The following GRIN2B variants were observed in gnomAD, a reference collection of about 807,000 sequenced individuals.
GRIN2B encodes glutamate ionotropic receptor NMDA type subunit 2B, also known as glutamate receptor ionotropic, NMDA 2B.
Under a neutral mutation model 114.5 loss-of-function variants are expected in GRIN2B, and 5 were observed. That is an observed-to-expected ratio of 0.04 (90% CI 0.02 to 0.09). The LOEUF (loss-of-function observed/expected upper bound fraction) is 0.09. Among genes scored for constraint, GRIN2B ranks in the 10% least tolerant of loss-of-function variants. The pLI, the probability that GRIN2B is intolerant of heterozygous loss-of-function variation, is 1.00. For synonymous variants in GRIN2B, 787 were observed against 745.1 expected (o/e 1.06, Z -0.92); for missense variants, 1,108 against 1,943.5 (o/e 0.57, Z 8.08).
intron 2 of GRIN2B, among the ~76,000 whole-genome samples, chr12:13,940,265 C>T (rs1166636975): frequency 1.3e-5 from 2 of 152,144 alleles, no homozygotes; most frequent in African/African-American, 2.4e-5. Context: ...TTTACAGTTA[C>T]TTAGATCCAT....
Position 13,562,901 on chromosome 12 carries a change from A to C in GRIN2B, c.4337T>G (p.Ile1446Ser). The change falls in exon 14 of 14, where the codon ATC (isoleucine) becomes AGC (serine). Residue 1446 changes from isoleucine to serine, a missense_variant. Around this residue, in one of 19 missense-constraint regions of GRIN2B, gnomAD observed 478 missense variants for 506.0 expected, o/e 0.94. Coordinates refer to ENST00000609686, the MANE Select transcript of GRIN2B (RefSeq NM_000834.5). ...GGGGTTGGACTGGTTCCCTATACAG[A>C]TGTCCTTCTGGAAACGGGCTGGCAC... ...GAVPARFQKD[I>S]CIGNQSNPCV... is the part of the protein sequence containing the mutation. 2 of 1,614,088 alleles carry C rather than the reference A, an allele frequency of 1.2e-6. No individual in the cohort carries two copies. The highest frequency in any genetic ancestry group is 1.7e-6 in the Non-Finnish European group (2 of 1,179,994).
At chr12:13,895,735 G>A (rs928603360) in intron 2 of GRIN2B, among the ~76,000 whole-genome samples, 2 of 152,134 alleles carry the variant, frequency 1.3e-5, no homozygotes, top group Admixed American at 6.6e-5. Flanking sequence ...AGTTTTTCAA[G>A]GTGACTTATT....
chr12:13,789,214 A>G (rs1026716883), intron 3 of GRIN2B, among the ~76,000 whole-genome samples: 4 of 152,236 alleles, frequency 2.6e-5, no homozygotes, highest in African/African-American at 9.6e-5. Flanking sequence ...TGTAGGATCC[A>G]TGCCAGAGTA....
intron 5 of GRIN2B, among the ~76,000 whole-genome samples, chr12:13,662,069 C>T (rs1949929599): frequency 6.6e-6 from 1 of 152,138 alleles, no homozygotes; most frequent in African/African-American, 2.4e-5. Flanking sequence ...TCACTTAGAA[C>T]AGTAGGCTAG....
chr12:13,955,795 A>G (rs1374835488), intron 2 of GRIN2B, among the ~76,000 whole-genome samples: 1 of 152,182 alleles, frequency 6.6e-6, no homozygotes, highest in African/African-American at 2.4e-5. Flanking sequence ...AGACACAAAG[A>G]GCCATCCCAT....
At position 13,545,322 on chromosome 12, in the gene GRIN2B, GA is replaced by G. The variant is rs1948329489; in HGVS notation, c.*17460del. 6.6e-6 allele frequency: 1 copy of G among 152,128 alleles called. No individual in the cohort carries two copies. Among genetic ancestry groups the G allele is most frequent in the African/African-American group, 2.4e-5 (1 of 41,398 alleles). The allele number at this position is 152,128 out of a possible 1,614,324, so 9.4% of individuals were successfully genotyped here. ...CATGACACTTTGCACTATCTGACAT[GA>G]GATCTATTGATTTGCTTTTTTGTCC... On this transcript the variant is annotated 3_prime_UTR_variant, in exon 14 of 14. Transcript: ENST00000609686.
Position 13,679,195 on chromosome 12 carries a change from A to G in GRIN2B, c.1011-3336T>C, listed in dbSNP as rs568719401. ...TTCTGCCTTTAGCTAAAACACCATT[A>G]AGAATATTTAAAGGAAAGTATCTAT... On this transcript the variant is annotated intron_variant, in intron 4 of 13. Transcript: ENST00000609686. Among the ~76,000 whole-genome samples the G allele has an allele frequency of 5.3e-5, 8 of 152,288 alleles. 1 individual carries two copies. The highest frequency in any genetic ancestry group is 7.4e-5 in the Non-Finnish European group (5 of 68,016).
chr12:13,575,916 A>G (rs1419925794), intron 10 of GRIN2B, among the ~76,000 whole-genome samples: 1 of 152,208 alleles, frequency 6.6e-6, no homozygotes, highest in Non-Finnish European at 1.5e-5. Context: ...CACATGATGG[A>G]GTCTTAAAAT....
intron 2 of GRIN2B, among the ~76,000 whole-genome samples, chr12:13,896,828 T>G (rs933440901): frequency 6.6e-6 from 1 of 152,232 alleles, no homozygotes; most frequent in Non-Finnish European, 1.5e-5. Context: ...GGCTTTCACA[T>G]GCACTAGCTG....
intron 3 of GRIN2B, among the ~76,000 whole-genome samples, chr12:13,786,773 A>C (rs77701810): frequency 1.3e-5 from 2 of 152,294 alleles, no homozygotes; most frequent in East Asian, 3.9e-4. Context: ...AAGGGGAAGA[A>C]AGGGAAACTG....
intron 2 of GRIN2B, among the ~76,000 whole-genome samples, chr12:13,876,068 A>C (rs1480582015): frequency 6.6e-6 from 1 of 152,244 alleles, no homozygotes; most frequent in Non-Finnish European, 1.5e-5. Flanking sequence ...ATAAGTAGGA[A>C]ATAGTAGTGA....
intron 5 of GRIN2B, among the ~76,000 whole-genome samples, chr12:13,644,665 C>G (rs896342139): frequency 1.1e-4 from 16 of 152,124 alleles, no homozygotes; most frequent in Non-Finnish European, 2.1e-4. Flanking sequence ...TATTGAAAAT[C>G]TGTTGTTTAG....
In GRIN2B at chr12:13,607,111, C is replaced by T. The variant is rs1949262396; in HGVS notation, c.2010+1492G>A. Among the ~76,000 whole-genome samples, 3 of 135,514 alleles carry T rather than the reference C, an allele frequency of 2.2e-5. No homozygotes were observed. The South Asian group carries it at 6.6e-4, about 30-fold the overall frequency. 88.9% of individuals were successfully genotyped at this position (135,514 alleles called of 152,430 possible). A position where few individuals can be genotyped will look rare whatever the true frequency, so the allele number is the denominator to read the frequency against. ...CTGGCAGCCCTGTGCATTTAGGCCA[C>T]CCAACCACATCTAACAGGAGGTACC... On this transcript the variant is annotated intron_variant, in intron 10 of 13. Coordinates refer to ENST00000609686, the MANE Select transcript of GRIN2B (RefSeq NM_000834.5).
intron 2 of GRIN2B, among the ~76,000 whole-genome samples, chr12:13,943,102 C>CGTCTGAT (rs1591634088): frequency 6.6e-6 from 1 of 152,024 alleles, no homozygotes; most frequent in East Asian, 1.9e-4. Flanking sequence ...CCACTGCTCC[C>CGTCTGAT]GTCTGATAAG....
chr12:13,808,646 T>C (rs1420978287), intron 3 of GRIN2B, among the ~76,000 whole-genome samples: 1 of 150,958 alleles, frequency 6.6e-6, no homozygotes, highest in Non-Finnish European at 1.5e-5. Flanking sequence ...CTAATGTAAA[T>C]GATGAGTTAA....
rs1245874674 is a variant in GRIN2B, at chr12:13,564,806, C to A, written c.2599-167G>T. On this transcript the variant is annotated intron_variant, in intron 13 of 13. Transcript: ENST00000609686. This position sits in a 1 kb window ranked among gnomAD's most constrained non-coding sequence, Gnocchi z 4.8. Reference sequence around the variant, plus strand: ...TGGCTAGAAGTTTGCCTAATTTATACCCCTAAATTTGGTGACTGTCATGTG... The same window carrying A: ...TGGCTAGAAGTTTGCCTAATTTATAACCCTAAATTTGGTGACTGTCATGTG... 6.6e-6 allele frequency among the ~76,000 whole-genome samples: 1 copy of A among 152,154 alleles called. No individual in the cohort carries two copies. The highest frequency in any genetic ancestry group is 1.9e-4 in the East Asian group (1 of 5,198).
intron 3 of GRIN2B, among the ~76,000 whole-genome samples, chr12:13,782,974 G>A (rs1474869630): frequency 6.6e-6 from 1 of 152,182 alleles, no homozygotes; most frequent in Non-Finnish European, 1.5e-5. Flanking sequence ...TCCACATTTA[G>A]AGGATGCCAG....
At chr12:13,581,472 C>T (rs902486152) in intron 10 of GRIN2B, among the ~76,000 whole-genome samples, 2 of 146,624 alleles carry the variant, frequency 1.4e-5, no homozygotes, top group Admixed American at 1.4e-4. Context: ...TACCATAATC[C>T]CTTGTCGGGC....
At position 13,549,489 on chromosome 12, in the gene GRIN2B, T is replaced by C. The variant is rs11055520; in HGVS notation, c.*13294A>G. 40,501 of 151,924 alleles carry C rather than the reference T, an allele frequency of 0.27. 6,169 individuals are homozygous for C. The highest frequency in any genetic ancestry group is 0.51 in the East Asian group (2,626 of 5,126). 9.4% of individuals were successfully genotyped at this position (151,924 alleles called of 1,614,324 possible). Reference sequence around the variant, plus strand: ...ATGTTTGAACTTAATTAGACAGAGGTGCCCAGAAAAGGATGTAAGGGGCTC... The same window carrying C: ...ATGTTTGAACTTAATTAGACAGAGGCGCCCAGAAAAGGATGTAAGGGGCTC... On this transcript the variant is annotated 3_prime_UTR_variant, in exon 14 of 14. Transcript: ENST00000609686.
Sources: allele counts gnomAD v4.1 joint callset (sites outside exome capture counted in the v4.1 genomes callset), GRCh38; gene constraint gnomAD v4.1.1; regional missense constraint gnomAD v4.1.1; non-coding constraint Gnocchi (gnomAD v3.1); transcripts MANE v1.5; gene names NCBI Gene and HGNC (gene_info 2026-07-23, HGNC 2026-07-21).